Variants in MNAT1 observed in about 807,000 individuals in gnomAD.
The protein encoded by MNAT1 is CDK-activating kinase assembly factor MAT1.
A neutral mutation model predicts 42.0 loss-of-function variants in MNAT1; 43 were observed. The observed-to-expected ratio is 1.02, with a 90% CI of 0.80 to 1.32. The LOEUF is 1.32. MNAT1 is among the 40% of genes most tolerant of loss of function. The probability of loss-of-function intolerance (pLI) is 0.00; values close to 1 mark genes in which losing one functional copy is unlikely to be tolerated. For missense variants in MNAT1, 306 were observed against 350.4 expected (o/e 0.87, Z 1.01); for synonymous variants, 118 against 120.0 (o/e 0.98, Z 0.11).
intron 7 of MNAT1, among the ~76,000 whole-genome samples, chr14:60,928,946 A>ACCT (rs2035821783): frequency 1.3e-5 from 2 of 151,218 alleles, no homozygotes; most frequent in South Asian, 2.1e-4. Context: ...CAGGAGATCA[A>ACCT]GACCATCCTG....
chr14:60,939,017 C>T (rs1409641644), intron 7 of MNAT1, among the ~76,000 whole-genome samples: 1 of 152,202 alleles, frequency 6.6e-6, no homozygotes. Context: ...GATTTATTTG[C>T]ATAGAGGTGT....
At chr14:60,942,653 T>C (rs1226618112) in intron 7 of MNAT1, among the ~76,000 whole-genome samples, 1 of 152,038 alleles carries the variant, frequency 6.6e-6, no homozygotes, top group Non-Finnish European at 1.5e-5. Context: ...TTATATTAAA[T>C]CGAAAATTTG....
intron 7 of MNAT1, among the ~76,000 whole-genome samples, chr14:60,960,806 C>T (rs2139620143): frequency 6.6e-6 from 1 of 152,244 alleles, no homozygotes; most frequent in South Asian, 2.1e-4. Context: ...ATTTTCACTG[C>T]CACCACCCTA....
chr14:60,930,195 C>A (rs1199310606), intron 7 of MNAT1, among the ~76,000 whole-genome samples: 1 of 130,908 alleles, frequency 7.6e-6, no homozygotes, highest in African/African-American at 2.8e-5. Flanking sequence ...ACTAAAGATT[C>A]TTCTTCCGTC....
At chr14:60,957,662 T>A (rs2036509810) in intron 7 of MNAT1, among the ~76,000 whole-genome samples, 1 of 152,234 alleles carries the variant, frequency 6.6e-6, no homozygotes, top group Non-Finnish European at 1.5e-5. Flanking sequence ...TGTCAGTGTA[T>A]GTATTTTTAC....
intron 7 of MNAT1, among the ~76,000 whole-genome samples, chr14:60,913,883 G>A (rs1408440246): frequency 6.6e-6 from 1 of 152,164 alleles, no homozygotes; most frequent in African/African-American, 2.4e-5. Context: ...AGACTGCAGA[G>A]GTTATTGCTC....
intron 6 of MNAT1, among the ~76,000 whole-genome samples, chr14:60,870,264 G>C (rs2034299618): frequency 6.6e-6 from 1 of 151,968 alleles, no homozygotes; most frequent in Non-Finnish European, 1.5e-5. Flanking sequence ...GTTCCATTTT[G>C]TTACATTGTA....
At chr14:60,884,863 A>G (rs897042127) in intron 7 of MNAT1, among the ~76,000 whole-genome samples, 1 of 151,950 alleles carries the variant, frequency 6.6e-6, no homozygotes, top group African/African-American at 2.4e-5. Context: ...CCCCTTTAGC[A>G]TTTCTTGTAA....
chr14:60,909,949 C>T (rs1594860126), intron 7 of MNAT1, among the ~76,000 whole-genome samples: 1 of 152,030 alleles, frequency 6.6e-6, no homozygotes, highest in African/African-American at 2.4e-5. Context: ...ATTCTTCCTA[C>T]CCATGAGCAT....
intron 6 of MNAT1, among the ~76,000 whole-genome samples, chr14:60,838,239 A>T (rs1278446018): frequency 1.3e-5 from 2 of 151,896 alleles, no homozygotes. Context: ...GGGCTCAAGC[A>T]GTTACCCTGC....
chr14:60,963,342 G>A (rs956282607), intron 7 of MNAT1, among the ~76,000 whole-genome samples: 3 of 152,142 alleles, frequency 2.0e-5, no homozygotes, highest in Non-Finnish European at 2.9e-5. Context: ...GACATGTAGT[G>A]TCTTTTCTCA....
intron 6 of MNAT1, among the ~76,000 whole-genome samples, chr14:60,876,489 C>A (rs533506627): frequency 6.6e-6 from 1 of 152,078 alleles, no homozygotes; most frequent in South Asian, 2.1e-4. Context: ...TTAAGTACAT[C>A]CAAATTGTTC....
chr14:60,855,276 G>C (rs1020544595), intron 6 of MNAT1, among the ~76,000 whole-genome samples: 1 of 151,992 alleles, frequency 6.6e-6, no homozygotes, highest in East Asian at 1.9e-4. Context: ...TGCTGAATGA[G>C]ACCACTTGGC....
intron 6 of MNAT1, among the ~76,000 whole-genome samples, chr14:60,828,138 T>C (rs1218951235): frequency 6.6e-6 from 1 of 152,160 alleles, no homozygotes; most frequent in Admixed American, 6.5e-5. Flanking sequence ...TTATTAGAAG[T>C]TTGAATTGTG....
At chr14:60,948,112 T>C (rs1050247273) in intron 7 of MNAT1, among the ~76,000 whole-genome samples, 2 of 152,196 alleles carry the variant, frequency 1.3e-5, no homozygotes, top group Non-Finnish European at 2.9e-5. Flanking sequence ...GACATTTTTC[T>C]TGAGCCCCCA....
intron 6 of MNAT1, among the ~76,000 whole-genome samples, chr14:60,876,493 A>G (rs1287476344): frequency 6.6e-6 from 1 of 151,960 alleles, no homozygotes; most frequent in Non-Finnish European, 1.5e-5. Context: ...GTACATCCAA[A>G]TTGTTCTGCA....
At chr14:60,939,523 T>C (rs1326846288) in intron 7 of MNAT1, among the ~76,000 whole-genome samples, 1 of 152,222 alleles carries the variant, frequency 6.6e-6, no homozygotes, top group Non-Finnish European at 1.5e-5. Flanking sequence ...TTGTTCAGTT[T>C]CCATGTAGTT....
chr14:60,968,940 T>G lies in MNAT1; in HGVS notation c.*591T>G, dbSNP rs182375169. The G allele has an allele frequency of 1.1e-3, 182 of 162,782 alleles. No homozygotes were observed. The highest frequency in any genetic ancestry group is 2.6e-3 in the Admixed American group (41 of 15,658). The allele number at this position is 162,782 out of a possible 1,614,324, so 10.1% of individuals were successfully genotyped here. A position where few individuals can be genotyped will look rare whatever the true frequency, so the allele number is the denominator to read the frequency against. On this transcript the variant is annotated 3_prime_UTR_variant, in exon 8 of 8. Coordinates refer to ENST00000261245, the MANE Select transcript of MNAT1 (RefSeq NM_002431.4). The stretch of plus-strand genomic sequence containing the variant: ...AATGCCTGTTTTAAGCAGTGGAAAA[T>G]GAGGCAAACCTTGATCAAGGTGTTA...
chr14:60,799,106 GAAACTT>G (rs2139331402), intron 3 of MNAT1, among the ~76,000 whole-genome samples: 1 of 152,180 alleles, frequency 6.6e-6, no homozygotes, highest in Non-Finnish European at 1.5e-5. Context: ...ACTGTTACCT[GAAACTT>G]TTCTCATATG....
Sources: gnomAD v4.1 joint callset for allele counts (sites outside exome capture counted in the v4.1 genomes callset) on GRCh38, gnomAD v4.1.1 for gene constraint, MANE v1.5 for transcripts, NCBI Gene and HGNC (gene_info 2026-07-23, HGNC 2026-07-21) for gene names.